MTMR7: variants seen among roughly 807,000 people sequenced by gnomAD.
MTMR7 encodes phosphatidylinositol-3-phosphate phosphatase MTMR7.
Under a neutral mutation model 81.2 loss-of-function variants are expected in MTMR7, and 76 were observed. The ratio of observed to expected loss-of-function variants is 0.94; its 90% CI spans 0.78 to 1.13. The LOEUF (loss-of-function observed/expected upper bound fraction) is 1.13. MTMR7 is among the 50% of genes most tolerant of loss of function. The probability of loss-of-function intolerance (pLI) is 0.00; values close to 1 mark genes in which losing one functional copy is unlikely to be tolerated. For missense variants in MTMR7, 1,044 were observed against 820.0 expected, an observed-to-expected ratio of 1.27 and a Z score of -3.34; for synonymous variants, 372 against 289.8, an observed-to-expected ratio of 1.28 and a Z score of -2.88.
At chr8:17,400,754 C>A (rs1008114531) in intron 1 of MTMR7, among the ~76,000 whole-genome samples, 49 of 148,586 alleles carry the variant, frequency 3.3e-4, no homozygotes, top group African/African-American at 1.2e-3. Flanking sequence ...ACTCAAAAGA[C>A]AAGGCTGATA....
rs565005735 is a variant in MTMR7 at position 17,359,848 on chromosome 8, T to C, written c.468+1269A>G. Among the ~76,000 whole-genome samples, 255 of 152,304 alleles carry C rather than the reference T, an allele frequency of 1.7e-3. 2 individuals carry two copies. Among genetic ancestry groups the C allele is most frequent in the African/African-American group, 5.5e-3 (227 of 41,562 alleles). ...GGTATAAGGAATCAAGCATTCACAA[T>C]TGAGAATTCATAGACATTGGTACAA... is the stretch of plus-strand genomic sequence containing the variant. On this transcript the variant is annotated intron_variant, in intron 4 of 13. Transcript: ENST00000180173.
At chr8:17,377,101 G>T (rs1184761106) in intron 1 of MTMR7, among the ~76,000 whole-genome samples, 2 of 151,756 alleles carry the variant, frequency 1.3e-5, no homozygotes, top group Non-Finnish European at 2.9e-5. Context: ...CCATGCCCTA[G>T]CCTATTCATG....
chr8:17,366,094 T>C (rs893623750), intron 3 of MTMR7, among the ~76,000 whole-genome samples: 18 of 152,112 alleles, frequency 1.2e-4, no homozygotes, highest in African/African-American at 4.1e-4. Context: ...CTACTTCCCA[T>C]AGAAAATGCA....
rs1189359872 is a variant in MTMR7 at position 17,366,421 on chromosome 8, G to GA, written c.310+4615dup. On this transcript the variant is annotated intron_variant, in intron 3 of 13. Transcript: ENST00000180173. ...ATCAAAAGTATTTTAAAAATGAAAA[G>GA]AAAAAACAAACATGAATCAGCATCA... 2.0e-5 allele frequency among the ~76,000 whole-genome samples: 3 copies of GA among 152,028 alleles called. No individual in the cohort carries two copies. The East Asian group carries it at 5.8e-4, about 29-fold the overall frequency.
At chr8:17,333,212 C>T (rs1028751163) in intron 6 of MTMR7, among the ~76,000 whole-genome samples, 2 of 151,920 alleles carry the variant, frequency 1.3e-5, no homozygotes, top group Non-Finnish European at 2.9e-5. Flanking sequence ...AGGCATGCTA[C>T]GAGAATAAAG....
At chr8:17,311,793 G>A (rs1047567734) in intron 8 of MTMR7, 157 bp from the exon 9 acceptor site, 1 of 1,162,222 alleles carries the variant, frequency 8.6e-7, no homozygotes, top group Non-Finnish European at 1.2e-6. Flanking sequence ...AATTAGGGCA[G>A]AGCCAGAGTG....
chr8:17,390,369 C>A (rs187818751), intron 1 of MTMR7, among the ~76,000 whole-genome samples: 6 of 152,172 alleles, frequency 3.9e-5, no homozygotes, highest in African/African-American at 1.4e-4. Flanking sequence ...CTCACTATCA[C>A]AAGAGCAGCA....
At position 17,389,527 on chromosome 8, in the gene MTMR7, T is replaced by C. The variant is rs372284003; in HGVS notation, c.25-16287A>G. On this transcript the variant is annotated intron_variant, in intron 1 of 13. Transcript: ENST00000180173. ...CAGGATCCTTGAAGATTGGCACTAA[T>C]GTTTTTGCCTATCTTTGTAGCCTGA... 1.3e-4 allele frequency among the ~76,000 whole-genome samples: 20 copies of C among 152,338 alleles called. No homozygotes were observed. In the South Asian group the frequency reaches 3.9e-3, roughly 30 times the overall value.
chr8:17,413,288 T>G lies in MTMR7; in HGVS notation c.5A>C (p.Glu2Ala). Residue 2 changes from glutamate to alanine, a missense_variant, in exon 1 of 14, where the codon GAG (glutamate) becomes GCG (alanine). Coordinates refer to ENST00000180173, the MANE Select transcript of MTMR7 (RefSeq NM_004686.5). M[E>A]HIRTPKVENV... ...ACCAACCTTGGGCGTACGGATGTGC[T>G]CCATGGCTGGCCCACGTCTGCAGGG... is the stretch of plus-strand genomic sequence containing the variant. 1 of 1,546,410 alleles carries G rather than the reference T, an allele frequency of 6.5e-7. No individual in the cohort carries two copies. The highest frequency in any genetic ancestry group is 8.7e-7 in the Non-Finnish European group (1 of 1,144,284).
At chr8:17,402,874 G>C (rs925103713) in intron 1 of MTMR7, among the ~76,000 whole-genome samples, 2 of 152,164 alleles carry the variant, frequency 1.3e-5, no homozygotes. Context: ...CAGTGCATGA[G>C]AGTTCCCTTT....
chr8:17,347,150 G>A (rs919128760), intron 5 of MTMR7, among the ~76,000 whole-genome samples: 1 of 150,166 alleles, frequency 6.7e-6, no homozygotes, highest in African/African-American at 2.5e-5. Context: ...AGCCAAGATT[G>A]TGCCACTGCA....
Position 17,356,010 on chromosome 8 carries a change from G to T in MTMR7, c.468+5107C>A, listed in dbSNP as rs111483071. 8.1e-3 allele frequency among the ~76,000 whole-genome samples: 1,233 copies of T among 152,314 alleles called. 16 individuals are homozygous for T. The highest frequency in any genetic ancestry group is 0.028 in the African/African-American group (1,174 of 41,574). Reference sequence around the variant, plus strand: ...AGCAAAGGAACAACAATGCTAAACTGCATCCAGTGGTGCTGGAGCAGGAGA... The same window carrying T: ...AGCAAAGGAACAACAATGCTAAACTTCATCCAGTGGTGCTGGAGCAGGAGA... On this transcript the variant is annotated intron_variant, in intron 4 of 13. Transcript: ENST00000180173.
chr8:17,304,230 G>C (rs1186763219), intron 12 of MTMR7, 149 bp downstream of exon 12: 2 of 802,184 alleles, frequency 2.5e-6, no homozygotes, highest in East Asian at 2.8e-5. Flanking sequence ...AAAAATACCA[G>C]ATCAGATATT....
chr8:17,351,072 C>T (rs1819715259), intron 4 of MTMR7, among the ~76,000 whole-genome samples: 1 of 152,168 alleles, frequency 6.6e-6, no homozygotes, highest in Non-Finnish European at 1.5e-5. Context: ...TGACGTGGAC[C>T]ACACCTGTTT....
At chr8:17,314,504 G>A (rs1817961393) in intron 7 of MTMR7, among the ~76,000 whole-genome samples, 2 of 152,082 alleles carry the variant, frequency 1.3e-5, no homozygotes, top group South Asian at 2.1e-4. Context: ...TGAAAGCACT[G>A]TGCATATGGG....
At chr8:17,383,533 G>A (rs1044697898) in intron 1 of MTMR7, among the ~76,000 whole-genome samples, 28 of 152,144 alleles carry the variant, frequency 1.8e-4, no homozygotes, top group African/African-American at 6.5e-4. Flanking sequence ...CACTTCCCTG[G>A]ATCTCTCCCA....
chr8:17,367,422 C>G (rs188454826), intron 3 of MTMR7, among the ~76,000 whole-genome samples: 70 of 152,250 alleles, frequency 4.6e-4, no homozygotes, highest in African/African-American at 1.7e-3. Flanking sequence ...GTCTTTTCAT[C>G]AGAAAAGTTC....
chr8:17,406,671 C>A (rs930954982), intron 1 of MTMR7, among the ~76,000 whole-genome samples: 1 of 152,132 alleles, frequency 6.6e-6, no homozygotes, highest in Non-Finnish European at 1.5e-5. Context: ...TACAAACATA[C>A]GTCCACACAA....
chr8:17,369,372 C>A (rs554351443), intron 3 of MTMR7, among the ~76,000 whole-genome samples: 3 of 152,152 alleles, frequency 2.0e-5, no homozygotes, highest in South Asian at 4.1e-4. Context: ...AGCTCCCTGG[C>A]GTCATTTCCA....
Sources: gnomAD v4.1 joint callset for allele counts (sites outside exome capture counted in the v4.1 genomes callset) on GRCh38, gnomAD v4.1.1 for gene constraint, MANE v1.5 for transcripts, NCBI Gene and HGNC (gene_info 2026-07-23, HGNC 2026-07-21) for gene names.